LYPD6: variants seen among roughly 807,000 people sequenced by gnomAD.
The protein encoded by LYPD6 is LY6/PLAUR domain containing 6.
In LYPD6, 15 loss-of-function variants were observed where a neutral mutation model predicts 22.7. The observed-to-expected ratio is 0.66, with a 90% CI of 0.44 to 1.02. LYPD6 has a LOEUF of 1.02. Among genes scored for constraint, LYPD6 ranks in the 50% least tolerant of loss-of-function variants. The pLI is 0.00. For synonymous variants in LYPD6, 72 were observed against 77.5 expected, an observed-to-expected ratio of 0.93 and a Z score of 0.37; for missense variants, 189 against 208.4, an observed-to-expected ratio of 0.91 and a Z score of 0.57.
chr2:149,330,526 G>A (rs945627438), upstream of LYPD6: 3 of 149,606 alleles, frequency 2.0e-5, no homozygotes, highest in East Asian at 6.0e-4. Flanking sequence ...GCCAGTGCCC[G>A]GCGCGAGTGG....
At chr2:149,332,558 G>C (rs904669303) in intron 1 of LYPD6, among the ~76,000 whole-genome samples, 1 of 152,198 alleles carries the variant, frequency 6.6e-6, no homozygotes, top group African/African-American at 2.4e-5. Flanking sequence ...CCATTTCACA[G>C]ATGAAACAAC....
chr2:149,415,347 C>G (rs988283425), intron 1 of LYPD6, among the ~76,000 whole-genome samples: 1 of 152,250 alleles, frequency 6.6e-6, no homozygotes, highest in Admixed American at 6.5e-5. Context: ...GTATAGATCC[C>G]CCTCTGCCTG....
chr2:149,393,460 T>C (rs181008429), intron 1 of LYPD6, among the ~76,000 whole-genome samples: 67 of 152,310 alleles, frequency 4.4e-4, no homozygotes, highest in African/African-American at 1.5e-3. Flanking sequence ...AAGCATACAT[T>C]TTGAAAGTAA....
chr2:149,337,569 A>G (rs780470684), intron 1 of LYPD6, among the ~76,000 whole-genome samples: 1 of 151,882 alleles, frequency 6.6e-6, no homozygotes, highest in African/African-American at 2.4e-5. Flanking sequence ...GCTTGGGTTC[A>G]TCATCTTTTT....
At chr2:149,475,135 A>C (rs1681428558), downstream of LYPD6, among the ~76,000 whole-genome samples, 1 of 152,244 alleles carries the variant, frequency 6.6e-6, no homozygotes, top group Non-Finnish European at 1.5e-5. Flanking sequence ...TGCGAGCTCT[A>C]TAAAAGTTAG....
At chr2:149,422,733 C>T (rs1026964740) in intron 1 of LYPD6, among the ~76,000 whole-genome samples, 8 of 152,168 alleles carry the variant, frequency 5.3e-5, no homozygotes, top group Middle Eastern at 6.8e-3. Flanking sequence ...CATTTTATAC[C>T]CTTTGACCAA....
intron 3 of LYPD6, among the ~76,000 whole-genome samples, chr2:149,452,826 C>T (rs1385896088): frequency 6.6e-6 from 1 of 152,198 alleles, no homozygotes; most frequent in East Asian, 1.9e-4. Context: ...AAGTAAGTGT[C>T]AGGAAAGCTT....
intron 1 of LYPD6, among the ~76,000 whole-genome samples, chr2:149,373,132 C>G (rs1241963270): frequency 6.6e-6 from 1 of 151,988 alleles, no homozygotes; most frequent in Non-Finnish European, 1.5e-5. Context: ...AGAGGGCAGG[C>G]AAGGGGCTTT....
At chr2:149,392,746 C>T (rs1040816457) in intron 1 of LYPD6, among the ~76,000 whole-genome samples, 2 of 152,216 alleles carry the variant, frequency 1.3e-5, no homozygotes, top group African/African-American at 4.8e-5. Flanking sequence ...TAATCCTTGG[C>T]TGGGCGCGGT....
intron 1 of LYPD6, among the ~76,000 whole-genome samples, chr2:149,416,547 A>C (rs2105127932): frequency 6.6e-6 from 1 of 152,302 alleles, no homozygotes. Flanking sequence ...CCCTCGTGGC[A>C]GCTATAACTG....
chr2:149,390,094 T>C lies in LYPD6; in HGVS notation c.-71-47544T>C, dbSNP rs116361997. ...TAATTATCTTGCATTCAGTTCCTTGTTGGTAGATATTCTGTACAGGTAGTT... is the reference window on the plus strand; with the variant it reads ...TAATTATCTTGCATTCAGTTCCTTGCTGGTAGATATTCTGTACAGGTAGTT... On this transcript the variant is annotated intron_variant, in intron 1 of 4. Transcript: ENST00000334166. Among the ~76,000 whole-genome samples the C allele has an allele frequency of 5.5e-3, 841 of 152,364 alleles. 6 individuals are homozygous for C. The highest frequency in any genetic ancestry group is 0.02 in the Middle Eastern group (6 of 294).
chr2:149,478,377 G>GGTGTGTGTGTGTGTGTGTGT (rs55853638), downstream of LYPD6, among the ~76,000 whole-genome samples: 99 of 99,372 alleles, frequency 1.0e-3, no homozygotes, highest in African/African-American at 2.8e-3. Flanking sequence ...GGTATATAGA[G>GGTGTGTGTGTGTGTGTGTGT]GTGTGTGTGT....
intron 1 of LYPD6, among the ~76,000 whole-genome samples, chr2:149,435,818 A>G (rs1683417844): frequency 6.6e-6 from 1 of 152,192 alleles, no homozygotes; most frequent in Non-Finnish European, 1.5e-5. Context: ...TGAAATTAGC[A>G]AGGTTGGCAT....
chr2:149,373,217 G>A (rs888417304), intron 1 of LYPD6, among the ~76,000 whole-genome samples: 2 of 152,160 alleles, frequency 1.3e-5, no homozygotes, highest in African/African-American at 4.8e-5. Flanking sequence ...GGAAGGGCCA[G>A]TGCCTGGAGA....
At chr2:149,344,788 T>C (rs770964958) in intron 1 of LYPD6, among the ~76,000 whole-genome samples, 79 of 152,172 alleles carry the variant, frequency 5.2e-4, no homozygotes, top group Non-Finnish European at 8.7e-4. Context: ...GGATGTAGGA[T>C]GGCTGTGTCT....
At chr2:149,463,792 C>T (rs1384293990) in intron 3 of LYPD6, among the ~76,000 whole-genome samples, 4 of 152,064 alleles carry the variant, frequency 2.6e-5, no homozygotes, top group African/African-American at 7.2e-5. Flanking sequence ...TGTTGTGTGA[C>T]TCATTTATAT....
At chr2:149,397,492 T>C (rs1197609536) in intron 1 of LYPD6, among the ~76,000 whole-genome samples, 1 of 152,160 alleles carries the variant, frequency 6.6e-6, no homozygotes, top group Non-Finnish European at 1.5e-5. Context: ...GGTGGAAGAA[T>C]ACACTCTACC....
intron 1 of LYPD6, among the ~76,000 whole-genome samples, chr2:149,353,041 C>T (rs1051513243): frequency 6.6e-6 from 1 of 152,204 alleles, no homozygotes; most frequent in African/African-American, 2.4e-5. Context: ...TTCCAGCATC[C>T]ATGCATTCAT....
intron 1 of LYPD6, among the ~76,000 whole-genome samples, chr2:149,414,458 A>C (rs918851738): frequency 2.0e-5 from 3 of 152,200 alleles, no homozygotes; most frequent in African/African-American, 7.2e-5. Context: ...TGTTTGAAAG[A>C]TGGTACTATT....
Sources: gnomAD v4.1 joint callset for allele counts (sites outside exome capture counted in the v4.1 genomes callset) on GRCh38, gnomAD v4.1.1 for gene constraint, MANE v1.5 for transcripts, NCBI Gene and HGNC (gene_info 2026-07-23, HGNC 2026-07-21) for gene names.